Variants in NTNG2 observed in about 807,000 individuals in gnomAD.
NTNG2 encodes netrin G2, also known as netrin-G2.
Under a neutral mutation model 47.6 loss-of-function variants are expected in NTNG2, and 15 were observed. The ratio of observed to expected loss-of-function variants is 0.32; its 90% CI spans 0.21 to 0.49. The LOEUF (loss-of-function observed/expected upper bound fraction) is 0.49, where lower values mean the gene tolerates loss of function less well. Among genes scored for constraint, NTNG2 ranks in the 20% least tolerant of loss-of-function variants. The pLI is 0.99. For missense variants in NTNG2, 578 were observed against 764.6 expected (o/e 0.76, Z 2.88); for synonymous variants, 307 against 324.6 (o/e 0.95, Z 0.58).
intron 1 of NTNG2, 117 bp from the exon 2 acceptor site, chr9:132,166,232 G>A (rs939955018): frequency 1.9e-5 from 3 of 159,780 alleles, no homozygotes; most frequent in African/African-American, 2.4e-5. Context: ...GCCACCTTAA[G>A]CTCATATGAA....
Position 132,197,982 on chromosome 9 carries a change from G to A in NTNG2, c.230G>A (p.Cys77Tyr), listed in dbSNP as rs1329129953. ...CCGCTGCAGGAGAATCCCTACCTAT[G>A]CAGCAACGAGTGTGACGCCTCCAAC... The part of the protein sequence containing the change: ...RFCSHENPYL[C>Y]SNECDASNPD... Residue 77 changes from cysteine to tyrosine, a missense_variant, in exon 3 of 8, where the codon TGC (cysteine) becomes TAC (tyrosine). Coordinates refer to ENST00000393229, the MANE Select transcript of NTNG2 (RefSeq NM_032536.4). The surrounding 1 kb of genome is among the most constrained non-coding windows in gnomAD (Gnocchi z 4.3). 6.2e-7 allele frequency: 1 copy of A among 1,612,586 alleles called. No homozygotes were observed. Among genetic ancestry groups the A allele is most frequent in the Admixed American group, 1.7e-5 (1 of 59,992 alleles).
At position 132,208,640 on chromosome 9, in the gene NTNG2, C is replaced by G. The variant is rs1446429613; in HGVS notation, c.857+10031C>G. Among the ~76,000 whole-genome samples the G allele has an allele frequency of 6.6e-6, 1 of 152,112 alleles. No homozygotes were observed. The highest frequency in any genetic ancestry group is 1.5e-5 in the Non-Finnish European group (1 of 68,024). On this transcript the variant is annotated intron_variant, in intron 3 of 7. Transcript: ENST00000393229. The surrounding 1 kb of genome is among the most constrained non-coding windows in gnomAD (Gnocchi z 4.0). The stretch of plus-strand genomic sequence containing the variant: ...GGCATCATGGAGGACTCCCAGGCAT[C>G]TGGCTTTGAGACACTGGGTGGATGG...
chr9:132,243,972 A>G lies in NTNG2; in HGVS notation c.*1861A>G, dbSNP rs1357621661. 1 of 152,122 alleles carries G rather than the reference A, an allele frequency of 6.6e-6. No homozygotes were observed. The highest frequency in any genetic ancestry group is 1.5e-5 in the Non-Finnish European group (1 of 68,074). 9.4% of individuals were successfully genotyped at this position (152,122 alleles called of 1,614,324 possible). A position where few individuals can be genotyped will look rare whatever the true frequency, so the allele number is the denominator to read the frequency against. On this transcript the variant is annotated 3_prime_UTR_variant, in exon 8 of 8. Coordinates refer to ENST00000393229, the MANE Select transcript of NTNG2 (RefSeq NM_032536.4). Reference sequence around the variant, plus strand: ...CCTCACATTCTTCCTTACGCACAGAACCCCACTGCCTGGGACCCAAAGTGC... The same window carrying G: ...CCTCACATTCTTCCTTACGCACAGAGCCCCACTGCCTGGGACCCAAAGTGC...
At chr9:132,235,209 A>G (rs908914250) in intron 5 of NTNG2, among the ~76,000 whole-genome samples, 7 of 152,204 alleles carry the variant, frequency 4.6e-5, no homozygotes, top group African/African-American at 9.7e-5. Flanking sequence ...GACACCTTCC[A>G]GGACACTTCT....
chr9:132,218,039 G>C lies in NTNG2; in HGVS notation c.858-8810G>C, dbSNP rs951339612. Among the ~76,000 whole-genome samples the C allele has an allele frequency of 6.6e-6, 1 of 152,230 alleles. No homozygotes were observed. The highest frequency in any genetic ancestry group is 1.5e-5 in the Non-Finnish European group (1 of 68,044). ...GCGTGGCAGCCTGTGGCATACACAAGATATTGTTTCCCGCTCTTCAGGTGA... is the reference window on the plus strand; with the variant it reads ...GCGTGGCAGCCTGTGGCATACACAACATATTGTTTCCCGCTCTTCAGGTGA... On this transcript the variant is annotated intron_variant, in intron 3 of 7. Transcript: ENST00000393229. This position sits in a 1 kb window ranked among gnomAD's most constrained non-coding sequence, Gnocchi z 5.4.
rs1840144985 is a variant in NTNG2 at position 132,218,570 on chromosome 9, T to C, written c.858-8279T>C. ...GGAGTGCAATGGCATGACCTCGGCC[T>C]ACTGCAACCTCCACCTGTTGGGTTC... On this transcript the variant is annotated intron_variant, in intron 3 of 7. Coordinates refer to ENST00000393229, the MANE Select transcript of NTNG2 (RefSeq NM_032536.4). The surrounding 1 kb of genome is among the most constrained non-coding windows in gnomAD (Gnocchi z 5.4). Among the ~76,000 whole-genome samples the C allele has an allele frequency of 6.6e-6, 1 of 152,122 alleles. No homozygotes were observed. Among genetic ancestry groups the C allele is most frequent in the Non-Finnish European group, 1.5e-5 (1 of 68,020 alleles).
At position 132,198,401 on chromosome 9, in the gene NTNG2, G is replaced by C; in HGVS notation, c.649G>C (p.Asp217His). 1.9e-6 allele frequency: 3 copies of C among 1,613,024 alleles called. No homozygotes were observed. The highest frequency in any genetic ancestry group is 2.5e-6 in the Non-Finnish European group (3 of 1,179,966). The stretch of plus-strand genomic sequence containing the variant: ...GAAGCACGTGCGCTTCGAGGTGCGG[G>C]ACCGCTTCGCCATCTTTGCCGGCCC... The part of the protein sequence containing the change: ...KEKHVRFEVR[D>H]RFAIFAGPDL... Residue 217 changes from aspartate (D) to histidine (H), a missense_variant, in exon 3 of 8, where the codon GAC becomes CAC. Transcript: ENST00000393229.
At chr9:132,177,591 C>T (rs1407622184) in intron 2 of NTNG2, among the ~76,000 whole-genome samples, 3 of 152,146 alleles carry the variant, frequency 2.0e-5, no homozygotes, top group East Asian at 1.9e-4. Flanking sequence ...GCAACCTTGT[C>T]GAAAATCAAT....
intron 2 of NTNG2, among the ~76,000 whole-genome samples, chr9:132,171,074 T>A (rs1490385995): frequency 6.6e-6 from 1 of 152,098 alleles, no homozygotes; most frequent in African/African-American, 2.4e-5. Flanking sequence ...GGAGCCGAGA[T>A]TCCCAGATGC....
Position 132,218,960 on chromosome 9 carries a change from T to A in NTNG2, c.858-7889T>A, listed in dbSNP as rs771436115. Among the ~76,000 whole-genome samples, 2 of 152,204 alleles carry A rather than the reference T, an allele frequency of 1.3e-5. No individual in the cohort carries two copies. Among genetic ancestry groups the A allele is most frequent in the Non-Finnish European group, 2.9e-5 (2 of 68,046 alleles). ...CAGATGTGATTCACACGTTGTACAA[T>A]CCACACATGTAAAGCGTACAATTCA... On this transcript the variant is annotated intron_variant, in intron 3 of 7. Transcript: ENST00000393229. This position sits in a 1 kb window ranked among gnomAD's most constrained non-coding sequence, Gnocchi z 5.4.
intron 3 of NTNG2, among the ~76,000 whole-genome samples, chr9:132,212,845 G>A (rs996160422): frequency 1.3e-5 from 2 of 152,140 alleles, no homozygotes; most frequent in African/African-American, 4.8e-5. Flanking sequence ...GGCCTCTGCA[G>A]GCTTCCCTCC....
intron 5 of NTNG2, among the ~76,000 whole-genome samples, chr9:132,234,658 C>T (rs1190831372): frequency 6.6e-6 from 1 of 152,240 alleles, no homozygotes; most frequent in African/African-American, 2.4e-5. Context: ...GCGGAAAACG[C>T]CGCTGGAGAC....
intron 3 of NTNG2, among the ~76,000 whole-genome samples, chr9:132,225,144 T>C (rs1308320868): frequency 6.6e-6 from 1 of 152,232 alleles, no homozygotes; most frequent in African/African-American, 2.4e-5. Flanking sequence ...CTTGAACTCC[T>C]GACCTCAAGT....
intron 2 of NTNG2, among the ~76,000 whole-genome samples, chr9:132,179,934 C>T (rs1418677803): frequency 2.6e-5 from 4 of 152,120 alleles, no homozygotes; most frequent in Non-Finnish European, 1.5e-5. Context: ...CTTGGGGTCT[C>T]GTTGGCAGGA....
At chr9:132,235,683 T>G (rs910741035) in intron 5 of NTNG2, among the ~76,000 whole-genome samples, 1 of 152,126 alleles carries the variant, frequency 6.6e-6, no homozygotes, top group Non-Finnish European at 1.5e-5. Flanking sequence ...TGCCCCTCTC[T>G]CGAGCAGGTG....
intron 2 of NTNG2, among the ~76,000 whole-genome samples, chr9:132,188,190 C>T (rs528929832): frequency 5.3e-5 from 8 of 152,256 alleles, no homozygotes; most frequent in Middle Eastern, 3.2e-3. Context: ...TCTACCTGGG[C>T]ACCCACACCC....
At chr9:132,241,328 G>C (rs1368769049) in intron 7 of NTNG2, 2 of 498,706 alleles carry the variant, frequency 4.0e-6, no homozygotes, top group Non-Finnish European at 7.1e-6. Flanking sequence ...ACCCGGGGGC[G>C]GTGGACGGGG....
In NTNG2 at chr9:132,236,022, C is replaced by G. The variant is rs993432614; in HGVS notation, c.1055-3082C>G. On this transcript the variant is annotated intron_variant, in intron 5 of 7. Transcript: ENST00000393229. This position sits in a 1 kb window ranked among gnomAD's most constrained non-coding sequence, Gnocchi z 4.3. ...CAAGCCCTTCCACCAGCACTCCCTC[C>G]GAGGGCTTCGGAGTCTGGTAGAGGC... 6.6e-6 allele frequency among the ~76,000 whole-genome samples: 1 copy of G among 152,224 alleles called. No individual in the cohort carries two copies. The highest frequency in any genetic ancestry group is 2.4e-5 in the African/African-American group (1 of 41,454).
chr9:132,172,857 G>C (rs1362067909), intron 2 of NTNG2, among the ~76,000 whole-genome samples: 1 of 149,798 alleles, frequency 6.7e-6, no homozygotes, highest in East Asian at 2.0e-4. Context: ...AGCCTCCCCA[G>C]TAGCTGGGAC....
Sources: gnomAD v4.1 joint callset for allele counts (sites outside exome capture counted in the v4.1 genomes callset) on GRCh38, gnomAD v4.1.1 for gene constraint, Gnocchi (gnomAD v3.1) non-coding constraint, MANE v1.5 for transcripts, NCBI Gene and HGNC (gene_info 2026-07-23, HGNC 2026-07-21) for gene names.